CPNE4: variants seen among roughly 807,000 people sequenced by gnomAD.
CPNE4 encodes copine 4.
A neutral mutation model predicts 67.9 loss-of-function variants in CPNE4; 25 were observed. The ratio of observed to expected loss-of-function variants is 0.37; its 90% CI spans 0.27 to 0.51. CPNE4 has a LOEUF of 0.51. Ranked by LOEUF, CPNE4 falls within the 20% of genes least tolerant of loss-of-function variation. CPNE4 has a pLI of 0.93. For synonymous variants in CPNE4, 242 were observed against 244.9 expected (o/e 0.99, Z 0.11); for missense variants, 464 against 690.8 (o/e 0.67, Z 3.68).
chr3:131,883,876 C>T (rs1035578689), intron 2 of CPNE4, among the ~76,000 whole-genome samples: 2 of 152,212 alleles, frequency 1.3e-5, no homozygotes, highest in African/African-American at 2.4e-5. Context: ...AGCACATGCC[C>T]GTGTCATGGC....
rs78258381 is a variant in CPNE4, at chr3:131,841,572, C to T, written c.180+63692G>A. 1.3e-3 allele frequency among the ~76,000 whole-genome samples: 195 copies of T among 152,280 alleles called. 8 individuals carry two copies. The East Asian group carries it at 0.034, about 27-fold the overall frequency. On this transcript the variant is annotated intron_variant, in intron 2 of 15. Coordinates refer to ENST00000429747, the MANE Select transcript of CPNE4 (RefSeq NM_130808.3). ...TTACGTGGTCCTTATGATAATCTAA[C>T]GCCTGATGATCTGAGTCTGAAGTGG...
chr3:131,888,044 C>T (rs2087964765), intron 2 of CPNE4, among the ~76,000 whole-genome samples: 1 of 152,178 alleles, frequency 6.6e-6, no homozygotes, highest in African/African-American at 2.4e-5. Context: ...TATCCCCAGC[C>T]TTCTGGTCCT....
chr3:131,861,307 C>T (rs114066631), intron 2 of CPNE4, among the ~76,000 whole-genome samples: 4,796 of 152,226 alleles, frequency 0.032, 250 homozygotes, highest in African/African-American at 0.11. Flanking sequence ...AGAAAACTCT[C>T]CTGATTCAAA....
intron 13 of CPNE4, among the ~76,000 whole-genome samples, chr3:131,551,973 G>A (rs1035310199): frequency 1.3e-5 from 2 of 151,244 alleles, no homozygotes; most frequent in Non-Finnish European, 2.9e-5. Context: ...GTTCAAACTC[G>A]CTGAGGCCAT....
At chr3:131,554,625 A>G (rs1936363795) in intron 12 of CPNE4, among the ~76,000 whole-genome samples, 1 of 152,080 alleles carries the variant, frequency 6.6e-6, no homozygotes, top group Non-Finnish European at 1.5e-5. Context: ...CTCTTTCAAA[A>G]AGGATACCTA....
intron 7 of CPNE4, among the ~76,000 whole-genome samples, chr3:131,647,231 C>T (rs1449630505): frequency 6.6e-6 from 1 of 152,182 alleles, no homozygotes; most frequent in Non-Finnish European, 1.5e-5. Context: ...TTAAGCCTTT[C>T]CTTTTAGAAT....
At chr3:131,975,823 C>T (rs909986510) in intron 1 of CPNE4, among the ~76,000 whole-genome samples, 2 of 151,722 alleles carry the variant, frequency 1.3e-5, no homozygotes, top group East Asian at 1.9e-4. Context: ...AGAACTTATC[C>T]AACAAATATA....
chr3:131,851,523 A>G, intron 2 of CPNE4, among the ~76,000 whole-genome samples: 1 of 152,102 alleles, frequency 6.6e-6, no homozygotes, highest in East Asian at 1.9e-4. Context: ...TCAGTAAAGA[A>G]GGGTTTGACT....
At chr3:131,581,697 T>C (rs1444014683) in intron 8 of CPNE4, 32 bp from the exon 9 acceptor site, 1 of 1,529,790 alleles carries the variant, frequency 6.5e-7, no homozygotes, top group South Asian at 1.1e-5. Flanking sequence ...GAGAATCTGT[T>C]CAGGAAAAAG....
At chr3:131,539,051 G>C (rs1487745898) in intron 15 of CPNE4, 2 of 152,182 alleles carry the variant, frequency 1.3e-5, no homozygotes, top group African/African-American at 4.8e-5. Context: ...AAAAAGAGAG[G>C]CAATTCATGA....
At chr3:131,688,464 T>G (rs1291692407) in intron 5 of CPNE4, among the ~76,000 whole-genome samples, 2 of 152,186 alleles carry the variant, frequency 1.3e-5, no homozygotes, top group African/African-American at 4.8e-5. Flanking sequence ...TAGGCCAGTT[T>G]CTGTTTCTAC....
At chr3:131,735,862 C>T (rs952388034) in intron 2 of CPNE4, among the ~76,000 whole-genome samples, 2 of 152,274 alleles carry the variant, frequency 1.3e-5, no homozygotes, top group East Asian at 3.9e-4. Context: ...TTTCCATAGA[C>T]CCTGCCTCTA....
At chr3:131,549,856 A>C in intron 14 of CPNE4, 91 bp downstream of exon 14, 1 of 1,438,624 alleles carries the variant, frequency 7.0e-7, no homozygotes, top group South Asian at 1.3e-5. Context: ...GAAGTGTTGG[A>C]ATTTATTGTT....
intron 2 of CPNE4, among the ~76,000 whole-genome samples, chr3:131,777,772 G>C (rs957010611): frequency 6.6e-6 from 1 of 152,094 alleles, no homozygotes; most frequent in African/African-American, 2.4e-5. Flanking sequence ...TATGAATGTA[G>C]GAGTGGTAAG....
intron 7 of CPNE4, among the ~76,000 whole-genome samples, chr3:131,651,203 A>AC (rs2079808419): frequency 6.6e-6 from 1 of 152,112 alleles, no homozygotes; most frequent in African/African-American, 2.4e-5. Context: ...TTCTTCCCAT[A>AC]CATAATTTCT....
chr3:132,033,149 G>C (rs767055734), intron 1 of CPNE4, among the ~76,000 whole-genome samples: 3 of 152,264 alleles, frequency 2.0e-5, no homozygotes, highest in Admixed American at 6.5e-5. Context: ...GCGCGGGGGC[G>C]CGCGAATGAG....
At chr3:131,933,845 C>T (rs950826108) in intron 1 of CPNE4, among the ~76,000 whole-genome samples, 2 of 147,940 alleles carry the variant, frequency 1.4e-5, no homozygotes, top group African/African-American at 4.9e-5. Context: ...GACAATCAAA[C>T]TCATAGAAGC....
intron 2 of CPNE4, among the ~76,000 whole-genome samples, chr3:131,852,009 G>C (rs2086259662): frequency 6.6e-6 from 1 of 152,028 alleles, no homozygotes; most frequent in African/African-American, 2.4e-5. Flanking sequence ...ATGGGAAGCT[G>C]TAGGCACTCT....
At chr3:131,952,563 G>A (rs1187889837) in intron 1 of CPNE4, among the ~76,000 whole-genome samples, 2 of 90,588 alleles carry the variant, frequency 2.2e-5, no homozygotes, top group African/African-American at 9.7e-5. Context: ...CCATCCGGGA[G>A]GGAGGTGGGG....
Sources: allele counts gnomAD v4.1 joint callset (sites outside exome capture counted in the v4.1 genomes callset), GRCh38; gene constraint gnomAD v4.1.1; transcripts MANE v1.5; gene names NCBI Gene and HGNC (gene_info 2026-07-23, HGNC 2026-07-21).